ARHGAP21: variants seen among roughly 807,000 people sequenced by gnomAD.
ARHGAP21 encodes the protein rho GTPase-activating protein 21.
In ARHGAP21, 38 loss-of-function variants were observed where a neutral mutation model predicts 164.6. That is an observed-to-expected ratio of 0.23 (90% CI 0.18 to 0.30). The LOEUF (loss-of-function observed/expected upper bound fraction) is 0.30, where lower values mean the gene tolerates loss of function less well. ARHGAP21 is among the 10% of genes least tolerant of loss of function. ARHGAP21 has a pLI of 1.00. For synonymous variants in ARHGAP21, 766 were observed against 857.9 expected (o/e 0.89, Z 1.87); for missense variants, 1,822 against 2,370.7 (o/e 0.77, Z 4.81).
At chr10:24,614,092 C>T (rs981170871) in intron 9 of ARHGAP21, among the ~76,000 whole-genome samples, 10 of 152,212 alleles carry the variant, frequency 6.6e-5, no homozygotes, top group African/African-American at 2.4e-4. Flanking sequence ...TCACCAATTT[C>T]ACTAATCTAT....
At chr10:24,600,618 T>A (rs752478039) in intron 14 of ARHGAP21, 28 bp downstream of exon 14, 2 of 1,603,422 alleles carry the variant, frequency 1.2e-6, no homozygotes, top group Non-Finnish European at 1.7e-6. Context: ...AAGGGTCAGA[T>A]TTCTCCAGCA....
At chr10:24,610,362 G>T (rs945538231) in intron 9 of ARHGAP21, among the ~76,000 whole-genome samples, 6 of 142,910 alleles carry the variant, frequency 4.2e-5, no homozygotes, top group Non-Finnish European at 9.1e-5. Context: ...GACAACAGAG[G>T]ACTCTGTCAC....
At chr10:24,721,804 C>T (rs1845969986) in intron 2 of ARHGAP21, 33 bp downstream of exon 2, 1 of 1,612,486 alleles carries the variant, frequency 6.2e-7, no homozygotes, top group Non-Finnish European at 8.5e-7. Flanking sequence ...AGGCCACCGC[C>T]CTGCCGGCCA....
chr10:24,659,779 C>T (rs1025856803), intron 4 of ARHGAP21, among the ~76,000 whole-genome samples: 3 of 152,258 alleles, frequency 2.0e-5, no homozygotes, highest in South Asian at 4.1e-4. Flanking sequence ...GCTGGGATTA[C>T]AGGCATGGGC....
In ARHGAP21 at chr10:24,622,756, A is replaced by G; in HGVS notation, c.502T>C (p.Phe168Leu). The stretch of plus-strand genomic sequence containing the variant: ...ACCAGTGCTGTGACATCCTTTGTAA[A>G]CTGTAGCTAGCAGAAAATAGGAAAA... ...KDEDILQVLQ[F>L]TKDVTALAYS... The change falls in exon 8 of 26, where the codon TTT becomes CTT. Residue 168 changes from phenylalanine (F) to leucine (L), a missense_variant. This residue lies in a region of ARHGAP21 where 1,090 missense variants were observed against 1,378.9 expected (regional missense o/e 0.79). Coordinates refer to ENST00000396432, the MANE Select transcript of ARHGAP21 (RefSeq NM_020824.4). 6.2e-7 allele frequency: 1 copy of G among 1,611,262 alleles called. No homozygotes were observed. The highest frequency in any genetic ancestry group is 1.7e-5 in the Admixed American group (1 of 59,334).
At chr10:24,667,156 C>T in intron 3 of ARHGAP21, 147 bp from the exon 4 acceptor site, 1 of 456,642 alleles carries the variant, frequency 2.2e-6, no homozygotes. Flanking sequence ...ATCACATTCT[C>T]TTCTATAGCC....
At position 24,722,197 on chromosome 10, in the gene ARHGAP21, C is replaced by T; in HGVS notation, c.-298G>A. 2.3e-6 allele frequency: 1 copy of T among 428,570 alleles called. No individual in the cohort carries two copies. Among genetic ancestry groups the T allele is most frequent in the East Asian group, 4.9e-5 (1 of 20,418 alleles). 26.5% of individuals were successfully genotyped at this position (428,570 alleles called of 1,614,324 possible). ...GTCGAGGCCAATTGCAGAAAGCGGTCCCCTTCTTCCCAGTGCCACTCCTGA... is the reference window on the plus strand; with the variant it reads ...GTCGAGGCCAATTGCAGAAAGCGGTTCCCTTCTTCCCAGTGCCACTCCTGA... On this transcript the variant is annotated 5_prime_UTR_variant, in exon 2 of 26. Transcript: ENST00000396432.
chr10:24,597,647 A>G (rs1034938293), intron 15 of ARHGAP21, 64 bp from the exon 16 acceptor site: 1 of 1,586,220 alleles, frequency 6.3e-7, no homozygotes, highest in South Asian at 1.2e-5. Flanking sequence ...GGTTTCAGTT[A>G]CCCGTGGTGA....
At chr10:24,658,098 A>C (rs1839265379) in intron 4 of ARHGAP21, among the ~76,000 whole-genome samples, 1 of 152,114 alleles carries the variant, frequency 6.6e-6, no homozygotes, top group Non-Finnish European at 1.5e-5. Context: ...GACCATCAAG[A>C]GAAATGCAAA....
chr10:24,587,694 T>C (rs1240908323), intron 25 of ARHGAP21, among the ~76,000 whole-genome samples: 5 of 152,216 alleles, frequency 3.3e-5, no homozygotes, highest in African/African-American at 7.2e-5. Flanking sequence ...CCTCTCTAGC[T>C]TGCTGGGTAC....
intron 2 of ARHGAP21, among the ~76,000 whole-genome samples, chr10:24,694,331 C>T (rs572608213): frequency 2.4e-4 from 36 of 152,226 alleles, no homozygotes; most frequent in Non-Finnish European, 3.4e-4. Flanking sequence ...GCTTGCAAGG[C>T]GGCCCTCCGT....
chr10:24,714,758 G>A (rs963763239), intron 2 of ARHGAP21, among the ~76,000 whole-genome samples: 2 of 151,992 alleles, frequency 1.3e-5, no homozygotes, highest in Non-Finnish European at 2.9e-5. Context: ...TTTTTGGCCG[G>A]GCACGGTGGT....
intron 6 of ARHGAP21, among the ~76,000 whole-genome samples, chr10:24,630,263 G>A (rs529366486): frequency 6.6e-6 from 1 of 152,216 alleles, no homozygotes; most frequent in African/African-American, 2.4e-5. Context: ...ACGGACCCCT[G>A]CCATGTTTGT....
chr10:24,655,563 C>G (rs2131594513), intron 4 of ARHGAP21, among the ~76,000 whole-genome samples: 1 of 152,080 alleles, frequency 6.6e-6, no homozygotes, highest in African/African-American at 2.4e-5. Flanking sequence ...CCCCGCGGGG[C>G]CCGAGGGCAA....
At chr10:24,708,462 T>C (rs1211483911) in intron 2 of ARHGAP21, among the ~76,000 whole-genome samples, 2 of 152,250 alleles carry the variant, frequency 1.3e-5, no homozygotes, top group African/African-American at 2.4e-5. Context: ...TGGGGTATCA[T>C]ATGCAATTTT....
chr10:24,644,098 A>G (rs189983952), intron 4 of ARHGAP21, among the ~76,000 whole-genome samples: 3 of 151,998 alleles, frequency 2.0e-5, no homozygotes, highest in African/African-American at 4.8e-5. Flanking sequence ...CTCAATTGCT[A>G]TATCCTCAAC....
intron 4 of ARHGAP21, among the ~76,000 whole-genome samples, chr10:24,639,272 T>C (rs1223180286): frequency 6.6e-6 from 1 of 152,224 alleles, no homozygotes; most frequent in Non-Finnish European, 1.5e-5. Flanking sequence ...GAGCATTCTG[T>C]ATTTCATATG....
intron 2 of ARHGAP21, among the ~76,000 whole-genome samples, chr10:24,712,482 ACCT>A (rs949922235): frequency 6.6e-6 from 1 of 152,038 alleles, no homozygotes; most frequent in African/African-American, 2.4e-5. Flanking sequence ...AACCTAACAC[ACCT>A]CCTGCAGTAA....
chr10:24,586,205 C>G, intron 25 of ARHGAP21, 99 bp from the exon 26 acceptor site: 1 of 1,380,014 alleles, frequency 7.2e-7, no homozygotes, highest in Non-Finnish European at 9.5e-7. Flanking sequence ...CAAATTATAT[C>G]TACTAAAGCT....
Sources: allele counts gnomAD v4.1 joint callset (sites outside exome capture counted in the v4.1 genomes callset), GRCh38; gene constraint gnomAD v4.1.1; regional missense constraint gnomAD v4.1.1; transcripts MANE v1.5; gene names NCBI Gene and HGNC (gene_info 2026-07-23, HGNC 2026-07-21).